BCKDHB: variants seen among roughly 807,000 people sequenced by gnomAD.
BCKDHB encodes branched chain keto acid dehydrogenase E1 subunit beta, also known as 2-oxoisovalerate dehydrogenase subunit beta, mitochondrial.
Under a neutral mutation model 48.5 loss-of-function variants are expected in BCKDHB, and 41 were observed. The ratio of observed to expected loss-of-function variants is 0.85; its 90% CI spans 0.66 to 1.10. The LOEUF (loss-of-function observed/expected upper bound fraction) is 1.10. Among genes scored for constraint, BCKDHB ranks in the 50% least tolerant of loss-of-function variants. The probability of loss-of-function intolerance (pLI) is 0.00; values close to 1 mark genes in which losing one functional copy is unlikely to be tolerated. For synonymous variants in BCKDHB, 201 were observed against 174.8 expected (o/e 1.15, Z -1.18); for missense variants, 496 against 494.2 (o/e 1.00, Z -0.03).
chr6:80,353,959 A>G, the BCKDHB span, among the ~76,000 whole-genome samples: 3 of 152,350 alleles, frequency 2.0e-5, no homozygotes, highest in South Asian at 6.2e-4. Flanking sequence ...GAGAATTTTC[A>G]TACACCTGTA....
At chr6:80,180,299 C>T (rs7771645) in intron 6 of BCKDHB, among the ~76,000 whole-genome samples, 10,401 of 152,136 alleles carry the variant, frequency 0.068, 385 homozygotes, top group African/African-American at 0.1. Context: ...GTAATTATGA[C>T]ATTTGAGTGC....
intron 3 of BCKDHB, among the ~76,000 whole-genome samples, chr6:80,147,855 G>C (rs987294205): frequency 9.2e-5 from 14 of 152,108 alleles, no homozygotes; most frequent in African/African-American, 3.4e-4. Context: ...TGGAGGGAAG[G>C]GATAGGTGAT....
intron 9 of BCKDHB, among the ~76,000 whole-genome samples, chr6:80,281,524 GACA>G (rs1778194013): frequency 6.6e-6 from 1 of 152,214 alleles, no homozygotes; most frequent in Non-Finnish European, 1.5e-5. Flanking sequence ...CAGGAAGCCA[GACA>G]ACATTTAGAC....
At chr6:80,180,128 G>A (rs890825441) in intron 6 of BCKDHB, among the ~76,000 whole-genome samples, 1 of 152,044 alleles carries the variant, frequency 6.6e-6, no homozygotes. Context: ...TTTATAAATC[G>A]TACAGATGAA....
At chr6:80,255,416 T>C (rs1000913891) in intron 8 of BCKDHB, among the ~76,000 whole-genome samples, 8 of 152,174 alleles carry the variant, frequency 5.3e-5, no homozygotes, top group African/African-American at 1.7e-4. Flanking sequence ...TTTTTCTCCG[T>C]TTAAGACCAT....
At chr6:80,212,533 G>C (rs1472309020) in intron 8 of BCKDHB, among the ~76,000 whole-genome samples, 1 of 152,020 alleles carries the variant, frequency 6.6e-6, no homozygotes, top group African/African-American at 2.4e-5. Context: ...CAGGTGCCCT[G>C]ATTTCATATT....
chr6:80,408,499 G>T, the BCKDHB span, among the ~76,000 whole-genome samples: 164 of 151,964 alleles, frequency 1.1e-3, 1 homozygote, highest in African/African-American at 3.9e-3. Flanking sequence ...ACTTTTTTTG[G>T]TTGTTAGGCT....
intron 1 of BCKDHB, among the ~76,000 whole-genome samples, chr6:80,119,742 G>A (rs1769904138): frequency 6.6e-6 from 1 of 152,098 alleles, no homozygotes; most frequent in Non-Finnish European, 1.5e-5. Context: ...ATTTATGGCA[G>A]ATATAGCTTT....
chr6:80,365,602 A>G, the BCKDHB span, among the ~76,000 whole-genome samples: 17 of 152,120 alleles, frequency 1.1e-4, no homozygotes, highest in African/African-American at 4.1e-4. Flanking sequence ...TTCCCTAAAA[A>G]TTGCTGTTAT....
intron 8 of BCKDHB, among the ~76,000 whole-genome samples, chr6:80,271,385 A>G (rs1284401513): frequency 6.6e-6 from 1 of 152,132 alleles, no homozygotes; most frequent in Non-Finnish European, 1.5e-5. Flanking sequence ...ATCATGTTGA[A>G]TCAACCTCAA....
chr6:80,385,161 T>A, the BCKDHB span, among the ~76,000 whole-genome samples: 1 of 152,140 alleles, frequency 6.6e-6, no homozygotes, highest in African/African-American at 2.4e-5. Flanking sequence ...GACGAAGTGA[T>A]GAAAGAAAGT....
chr6:80,115,224 C>G (rs757989863), intron 1 of BCKDHB, among the ~76,000 whole-genome samples: 4 of 151,962 alleles, frequency 2.6e-5, no homozygotes, highest in Non-Finnish European at 5.9e-5. Context: ...TCATGTAGTA[C>G]AACCCTGAAC....
intron 8 of BCKDHB, among the ~76,000 whole-genome samples, chr6:80,237,801 G>A (rs968887146): frequency 6.6e-6 from 1 of 152,086 alleles, no homozygotes; most frequent in African/African-American, 2.4e-5. Context: ...AACATGACAA[G>A]GTTCTCAGAA....
At chr6:80,141,963 T>C (rs1044809640) in intron 3 of BCKDHB, among the ~76,000 whole-genome samples, 2 of 152,080 alleles carry the variant, frequency 1.3e-5, no homozygotes, top group Admixed American at 1.3e-4. Context: ...ACCCAGACAT[T>C]TTTTTCCCTT....
intron 8 of BCKDHB, among the ~76,000 whole-genome samples, chr6:80,212,388 C>T (rs1173281949): frequency 6.6e-6 from 1 of 152,110 alleles, no homozygotes; most frequent in Non-Finnish European, 1.5e-5. Flanking sequence ...AGCGATATCT[C>T]TCCTACTTGC....
At chr6:80,394,079 A>C in the BCKDHB span, among the ~76,000 whole-genome samples, 1 of 152,238 alleles carries the variant, frequency 6.6e-6, no homozygotes, top group South Asian at 2.1e-4. Context: ...CTATTCATTT[A>C]CTTTGTCTGT....
chr6:80,243,931 A>G (rs1776498871), intron 8 of BCKDHB, among the ~76,000 whole-genome samples: 1 of 152,240 alleles, frequency 6.6e-6, no homozygotes, highest in Non-Finnish European at 1.5e-5. Flanking sequence ...TGTCTATTTC[A>G]ATAAATAATT....
At chr6:80,275,265 A>T (rs1330830410) in intron 9 of BCKDHB, among the ~76,000 whole-genome samples, 2 of 152,026 alleles carry the variant, frequency 1.3e-5, no homozygotes, top group Non-Finnish European at 2.9e-5. Flanking sequence ...AATATCTGGG[A>T]TTAGACAGGA....
intron 3 of BCKDHB, among the ~76,000 whole-genome samples, chr6:80,163,775 C>T (rs2127768951): frequency 6.6e-6 from 1 of 152,308 alleles, no homozygotes; most frequent in Middle Eastern, 3.4e-3. Context: ...CATGCTTCTT[C>T]ACAGTTTTCC....
Sources: gnomAD v4.1 joint callset for allele counts (sites outside exome capture counted in the v4.1 genomes callset) on GRCh38, gnomAD v4.1.1 for gene constraint, MANE v1.5 for transcripts, NCBI Gene and HGNC (gene_info 2026-07-23, HGNC 2026-07-21) for gene names.